Variants in SPOCK1 observed in about 807,000 individuals in gnomAD.
SPOCK1 encodes SPARC (osteonectin), cwcv and kazal like domains proteoglycan 1.
A neutral mutation model predicts 55.3 loss-of-function variants in SPOCK1; 23 were observed. The observed-to-expected ratio is 0.42, with a 90% CI of 0.30 to 0.59. SPOCK1 has a LOEUF of 0.59. SPOCK1 is among the 20% of genes least tolerant of loss of function. The pLI is 0.22. For synonymous variants in SPOCK1, 226 were observed against 221.0 expected (o/e 1.02, Z -0.20); for missense variants, 499 against 552.5 (o/e 0.90, Z 0.97).
chr5:137,186,778 T>C lies in SPOCK1; in HGVS notation c.233-46084A>G, dbSNP rs115545084. On this transcript the variant is annotated intron_variant, in intron 3 of 10. Transcript: ENST00000394945. ...GAGCTAGGTGCTGGTCTCCATCCAG[T>C]GTATAGCTACTGTCTTCACTGCCTC... 2.9e-3 allele frequency among the ~76,000 whole-genome samples: 442 copies of C among 152,254 alleles called. 2 individuals are homozygous for C. The highest frequency in any genetic ancestry group is 9.7e-3 in the African/African-American group (402 of 41,542).
At chr5:137,375,220 A>G (rs948031327) in intron 2 of SPOCK1, among the ~76,000 whole-genome samples, 2 of 152,364 alleles carry the variant, frequency 1.3e-5, no homozygotes, top group African/African-American at 4.8e-5. Context: ...CTGTAGTAAT[A>G]AACTCACAAA....
At chr5:137,448,244 ATCT>A (rs1753171869) in intron 2 of SPOCK1, among the ~76,000 whole-genome samples, 1 of 152,190 alleles carries the variant, frequency 6.6e-6, no homozygotes, top group African/African-American at 2.4e-5. Flanking sequence ...ACAAGACTTC[ATCT>A]CAAAAAAAAT....
chr5:137,182,916 C>A (rs563796626), intron 3 of SPOCK1, among the ~76,000 whole-genome samples: 2 of 152,208 alleles, frequency 1.3e-5, no homozygotes, highest in East Asian at 1.9e-4. Context: ...GGTAAAGGAG[C>A]GTGGATGGGT....
intron 3 of SPOCK1, among the ~76,000 whole-genome samples, chr5:137,230,712 GATCAC>G (rs1756035478): frequency 6.6e-6 from 1 of 152,122 alleles, no homozygotes; most frequent in African/African-American, 2.4e-5. Context: ...TATTAAACCT[GATCAC>G]ATCACATCAT....
intron 2 of SPOCK1, among the ~76,000 whole-genome samples, chr5:137,315,372 G>A (rs1459853189): frequency 1.3e-5 from 2 of 152,160 alleles, no homozygotes; most frequent in African/African-American, 2.4e-5. Context: ...CACGTATGGC[G>A]ATGGATAGAG....
intron 6 of SPOCK1, among the ~76,000 whole-genome samples, chr5:137,028,332 C>T (rs983782964): frequency 1.3e-5 from 2 of 152,192 alleles, no homozygotes; most frequent in African/African-American, 4.8e-5. Context: ...ATAGGACTAC[C>T]ACTTGCAGAC....
intron 7 of SPOCK1, among the ~76,000 whole-genome samples, chr5:136,990,140 G>A (rs1201893440): frequency 6.6e-6 from 1 of 152,054 alleles, no homozygotes; most frequent in East Asian, 1.9e-4. Flanking sequence ...TCGATCTCCT[G>A]ACCTCGTGAT....
chr5:136,980,912 T>C (rs1347865451), intron 9 of SPOCK1, among the ~76,000 whole-genome samples: 2 of 152,192 alleles, frequency 1.3e-5, no homozygotes, highest in Non-Finnish European at 2.9e-5. Flanking sequence ...GGGATGAAAG[T>C]AGCATTTTGA....
chr5:137,328,736 G>T lies in SPOCK1; in HGVS notation c.187-61681C>A, dbSNP rs111890429. Among the ~76,000 whole-genome samples, 182 of 152,308 alleles carry T rather than the reference G, an allele frequency of 1.2e-3. 1 individual carries two copies. The highest frequency in any genetic ancestry group is 4.2e-3 in the African/African-American group (174 of 41,564). On this transcript the variant is annotated intron_variant, in intron 2 of 10. Coordinates refer to ENST00000394945, the MANE Select transcript of SPOCK1 (RefSeq NM_004598.4). ...GCTGAGATAGCTGAAGCTTAGAGAG[G>T]CTAGGAGACATGCCAGGATCACACA...
intron 2 of SPOCK1, among the ~76,000 whole-genome samples, chr5:137,316,666 GT>G (rs1757885261): frequency 6.6e-6 from 1 of 152,162 alleles, no homozygotes; most frequent in African/African-American, 2.4e-5. Context: ...AACTGTACAA[GT>G]TAAACCTTAT....
intron 6 of SPOCK1, among the ~76,000 whole-genome samples, chr5:137,001,821 C>T (rs932772214): frequency 6.6e-6 from 1 of 152,256 alleles, no homozygotes; most frequent in South Asian, 2.1e-4. Context: ...TAATAAGCTC[C>T]TTGCCATAAG....
At chr5:137,496,438 G>C (rs985854007) in intron 2 of SPOCK1, among the ~76,000 whole-genome samples, 2 of 152,182 alleles carry the variant, frequency 1.3e-5, no homozygotes, top group Non-Finnish European at 2.9e-5. Context: ...TGAAAGCACA[G>C]TAAACCTTTC....
At chr5:137,339,008 T>G (rs1218560562) in intron 2 of SPOCK1, among the ~76,000 whole-genome samples, 1 of 152,214 alleles carries the variant, frequency 6.6e-6, no homozygotes, top group Non-Finnish European at 1.5e-5. Context: ...AGTTGTCACA[T>G]CAGCATTAGC....
At chr5:137,378,501 G>T (rs1751380898) in intron 2 of SPOCK1, among the ~76,000 whole-genome samples, 1 of 152,238 alleles carries the variant, frequency 6.6e-6, no homozygotes, top group South Asian at 2.1e-4. Context: ...CTCACACATG[G>T]ATGGCTGCAG....
intron 5 of SPOCK1, among the ~76,000 whole-genome samples, chr5:137,090,451 T>TCTGGCACACAAGCA (rs1436100363): frequency 6.6e-6 from 1 of 152,170 alleles, no homozygotes; most frequent in Non-Finnish European, 1.5e-5. Flanking sequence ...GCATAGACTG[T>TCTGGCACACAAGCA]TCAGGGAACA....
rs115905499 is a variant in SPOCK1, at chr5:137,354,340, C to T, written c.187-87285G>A. Among the ~76,000 whole-genome samples, 1,165 of 152,204 alleles carry T rather than the reference C, an allele frequency of 7.7e-3. 14 individuals are homozygous for T. Among genetic ancestry groups the T allele is most frequent in the Middle Eastern group, 0.024 (7 of 294 alleles). ...TTGCGAGGCCCTGCCCTCATTGGTC[C>T]TCACCCCACTCCTCAAGAACACCTC... On this transcript the variant is annotated intron_variant, in intron 2 of 10. Transcript: ENST00000394945.
intron 6 of SPOCK1, among the ~76,000 whole-genome samples, chr5:137,017,065 T>C (rs765645082): frequency 2.0e-4 from 31 of 152,250 alleles, no homozygotes; most frequent in Non-Finnish European, 3.7e-4. Flanking sequence ...CCTGTTCTTC[T>C]AGCTGGCCTC....
At chr5:137,041,441 C>T (rs1242787804) in intron 6 of SPOCK1, among the ~76,000 whole-genome samples, 3 of 151,834 alleles carry the variant, frequency 2.0e-5, no homozygotes, top group South Asian at 2.1e-4. Flanking sequence ...AAATCACAAC[C>T]TATAAAAGAA....
At chr5:137,257,351 C>A (rs1369438676) in intron 3 of SPOCK1, among the ~76,000 whole-genome samples, 2 of 152,126 alleles carry the variant, frequency 1.3e-5, no homozygotes, top group Non-Finnish European at 2.9e-5. Context: ...AGAGGTAGGG[C>A]CTTTGGGTGG....
Sources: allele counts gnomAD v4.1 joint callset (sites outside exome capture counted in the v4.1 genomes callset), GRCh38; gene constraint gnomAD v4.1.1; transcripts MANE v1.5; gene names NCBI Gene and HGNC (gene_info 2026-07-23, HGNC 2026-07-21).